XKR4: variants seen among roughly 807,000 people sequenced by gnomAD.
The protein encoded by XKR4 is XK related 4.
Under a neutral mutation model 53.9 loss-of-function variants are expected in XKR4, and 12 were observed. That is an observed-to-expected ratio of 0.22 (90% CI 0.14 to 0.36). XKR4 has a LOEUF of 0.36. Among genes scored for constraint, XKR4 ranks in the 10% least tolerant of loss-of-function variants. XKR4 has a pLI of 1.00. For synonymous variants in XKR4, 354 were observed against 362.4 expected, an observed-to-expected ratio of 0.98 and a Z score of 0.26; for missense variants, 799 against 859.5, an observed-to-expected ratio of 0.93 and a Z score of 0.88.
chr8:55,286,686 G>T (rs745644490), intron 1 of XKR4, among the ~76,000 whole-genome samples: 2 of 152,240 alleles, frequency 1.3e-5, no homozygotes, highest in Non-Finnish European at 2.9e-5. Flanking sequence ...TCAGCCAAAA[G>T]CTGCTGACAG....
chr8:55,453,373 C>T, intron 2 of XKR4: 1 of 449,776 alleles, frequency 2.2e-6, no homozygotes, highest in East Asian at 6.8e-5. Context: ...GGTACAGTTC[C>T]CGGGTGAGGC....
chr8:55,221,460 C>A (rs35234241), intron 1 of XKR4, among the ~76,000 whole-genome samples: 1 of 152,086 alleles, frequency 6.6e-6, no homozygotes, highest in South Asian at 2.1e-4. Context: ...CAGGGTGTGG[C>A]GGTTTCCTGG....
At chr8:55,488,098 A>G (rs1034253202) in intron 2 of XKR4, among the ~76,000 whole-genome samples, 2 of 152,138 alleles carry the variant, frequency 1.3e-5, no homozygotes, top group Non-Finnish European at 2.9e-5. Context: ...GGCCTTTGGG[A>G]CTGTCTTTCA....
At chr8:55,132,738 G>C (rs531496105) in intron 1 of XKR4, among the ~76,000 whole-genome samples, 1 of 152,200 alleles carries the variant, frequency 6.6e-6, no homozygotes, top group Non-Finnish European at 1.5e-5. Flanking sequence ...CTGGTGAGGA[G>C]TTCCTAAGTG....
chr8:55,230,148 A>C (rs904055665), intron 1 of XKR4, among the ~76,000 whole-genome samples: 3 of 152,188 alleles, frequency 2.0e-5, no homozygotes, highest in Admixed American at 2.0e-4. Context: ...TTCTCTGTTC[A>C]TGTTACTCCC....
chr8:55,404,830 C>T (rs905923127), intron 2 of XKR4, among the ~76,000 whole-genome samples: 22 of 152,146 alleles, frequency 1.4e-4, no homozygotes, highest in Admixed American at 1.4e-3. Flanking sequence ...AAGGCATTCA[C>T]CTGTCCATCA....
intron 1 of XKR4, among the ~76,000 whole-genome samples, chr8:55,180,133 C>A (rs549125738): frequency 6.6e-6 from 1 of 152,270 alleles, no homozygotes; most frequent in African/African-American, 2.4e-5. Flanking sequence ...ACTAAATCAT[C>A]TTAGGTTAGA....
chr8:55,478,709 A>C (rs576924193), intron 2 of XKR4, among the ~76,000 whole-genome samples: 1 of 152,302 alleles, frequency 6.6e-6, no homozygotes, highest in African/African-American at 2.4e-5. Flanking sequence ...AGGAAGATCT[A>C]CCAAGCAAAT....
At chr8:55,238,272 G>T (rs1818161977) in intron 1 of XKR4, among the ~76,000 whole-genome samples, 1 of 152,178 alleles carries the variant, frequency 6.6e-6, no homozygotes, top group African/African-American at 2.4e-5. Context: ...GCCCAAGGCT[G>T]CTGGTTTAGC....
chr8:55,294,962 T>C (rs1183868519), intron 1 of XKR4, among the ~76,000 whole-genome samples: 2 of 152,226 alleles, frequency 1.3e-5, no homozygotes, highest in Non-Finnish European at 2.9e-5. Flanking sequence ...TACAAAAGTA[T>C]TGAACTCATA....
chr8:55,227,204 T>C (rs1354011420), intron 1 of XKR4, among the ~76,000 whole-genome samples: 1 of 152,232 alleles, frequency 6.6e-6, no homozygotes, highest in Non-Finnish European at 1.5e-5. Context: ...ACTCTGCCAT[T>C]TGGCAGGCCT....
intron 1 of XKR4, among the ~76,000 whole-genome samples, chr8:55,296,496 T>G (rs1819103127): frequency 6.6e-6 from 1 of 152,214 alleles, no homozygotes; most frequent in Non-Finnish European, 1.5e-5. Flanking sequence ...CAAAAGCCTT[T>G]TGCACCTTTT....
At chr8:55,144,119 G>T (rs1308375049) in intron 1 of XKR4, among the ~76,000 whole-genome samples, 3 of 152,010 alleles carry the variant, frequency 2.0e-5, no homozygotes, top group Non-Finnish European at 4.4e-5. Flanking sequence ...GCCTATTTCT[G>T]ATCAGATTAG....
intron 1 of XKR4, among the ~76,000 whole-genome samples, chr8:55,165,124 A>T (rs1041569726): frequency 1.3e-5 from 2 of 152,192 alleles, no homozygotes; most frequent in Admixed American, 1.3e-4. Context: ...TGTTCCTCCC[A>T]ATAGTTCCTT....
chr8:55,348,170 C>T (rs186759033), intron 1 of XKR4, among the ~76,000 whole-genome samples: 212 of 152,252 alleles, frequency 1.4e-3, no homozygotes, highest in Non-Finnish European at 2.5e-3. Context: ...AAACACCATG[C>T]CGGATAACAT....
intron 2 of XKR4, among the ~76,000 whole-genome samples, chr8:55,511,130 G>C (rs1432788293): frequency 1.3e-5 from 2 of 152,096 alleles, no homozygotes; most frequent in East Asian, 3.9e-4. Context: ...AGCAACCCAG[G>C]GGGTGGGACG....
chr8:55,465,989 A>G (rs891752418), intron 2 of XKR4, among the ~76,000 whole-genome samples: 4 of 152,102 alleles, frequency 2.6e-5, no homozygotes, highest in Non-Finnish European at 1.5e-5. Flanking sequence ...AGGAAACAAC[A>G]GGTGCTGGAG....
At chr8:55,317,418 G>A (rs1050099884) in intron 1 of XKR4, among the ~76,000 whole-genome samples, 6 of 152,024 alleles carry the variant, frequency 3.9e-5, no homozygotes, top group African/African-American at 1.4e-4. Context: ...TTTAGTCTAT[G>A]TTTTTTGGGG....
chr8:55,365,479 C>T (rs942799459), intron 2 of XKR4, among the ~76,000 whole-genome samples: 4 of 152,094 alleles, frequency 2.6e-5, no homozygotes, highest in Admixed American at 6.6e-5. Flanking sequence ...CCAAGGCGGG[C>T]GGATCACCTG....
Sources: allele counts gnomAD v4.1 joint callset (sites outside exome capture counted in the v4.1 genomes callset), GRCh38; gene constraint gnomAD v4.1.1; transcripts MANE v1.5; gene names NCBI Gene and HGNC (gene_info 2026-07-23, HGNC 2026-07-21).